Variants in SALL3 observed in about 807,000 individuals in gnomAD.
SALL3 encodes the protein sal-like protein 3.
In SALL3, 25 loss-of-function variants were observed where a neutral mutation model predicts 66.2. The ratio of observed to expected loss-of-function variants is 0.38; its 90% CI spans 0.28 to 0.53. The LOEUF (loss-of-function observed/expected upper bound fraction) is 0.53, where lower values mean the gene tolerates loss of function less well. Among genes scored for constraint, SALL3 ranks in the 20% least tolerant of loss-of-function variants. The pLI is 0.85. For missense variants in SALL3, 2,194 were observed against 1,916.5 expected, an observed-to-expected ratio of 1.14 and a Z score of -2.70; for synonymous variants, 1,152 against 899.1, an observed-to-expected ratio of 1.28 and a Z score of -5.03.
At position 78,995,003 on chromosome 18, in the gene SALL3, A is replaced by C; in HGVS notation, c.3012A>C (p.Pro1004=). ...IHYRSHTKER[P]FVCALCRRGC... is the part of the protein sequence containing the mutation. The stretch of plus-strand genomic sequence containing the variant: ...ACCGCAGCCATACTAAGGAGCGGCC[A>C]TTCGTCTGCGCGCTCTGCAGGCGAG... The change falls in exon 2 of 3, where the codon CCA becomes CCC. Residue 1004 remains proline, a synonymous_variant. Coordinates refer to ENST00000537592, the MANE Select transcript of SALL3 (RefSeq NM_171999.4). The C allele has an allele frequency of 6.2e-7, 1 of 1,613,880 alleles. No individual in the cohort carries two copies. Among genetic ancestry groups the C allele is most frequent in the Non-Finnish European group, 8.5e-7 (1 of 1,180,020 alleles).
rs756059383 is a variant in SALL3, at chr18:78,995,062, T to TA, written c.3072dup (p.Leu1025ThrfsTer14). 26 of 1,613,878 alleles carry TA rather than the reference T, an allele frequency of 1.6e-5. No homozygotes were observed. The Admixed American group carries it at 1.7e-4, about 10-fold the overall frequency. ...ACTATGGGTAATTTAAAACAGCACT[T>TA]ACTGACACACAGATTGAAAGAGCTG... On this transcript the variant is annotated frameshift_variant, in exon 2 of 3. Coordinates refer to ENST00000537592, the MANE Select transcript of SALL3 (RefSeq NM_171999.4). LOFTEE classifies it high-confidence loss of function.
chr18:78,993,511 A>T lies in SALL3; in HGVS notation c.1520A>T (p.Lys507Met). ...IPYGMSLPPE[K>M]PVTTWLDSKP... is the part of the protein sequence containing the mutation. ...TACGGCATGTCGCTGCCCCCCGAGA[A>T]GCCCGTGACCACCTGGCTGGACAGC... The change falls in exon 2 of 3, where the codon AAG (lysine) becomes ATG (methionine). Residue 507 changes from lysine to methionine, a missense_variant. Transcript: ENST00000537592. 1 of 1,602,060 alleles carries T rather than the reference A, an allele frequency of 6.2e-7. No homozygotes were observed. The highest frequency in any genetic ancestry group is 8.5e-7 in the Non-Finnish European group (1 of 1,176,194).
chr18:78,997,241 G>A lies in SALL3; in HGVS notation c.3822G>A (p.Leu1274=). 6.2e-7 allele frequency: 1 copy of A among 1,614,018 alleles called. No individual in the cohort carries two copies. Among genetic ancestry groups the A allele is most frequent in the Non-Finnish European group, 8.5e-7 (1 of 1,180,038 alleles). The stretch of plus-strand genomic sequence containing the variant: ...GCAGTAGCCCACCCATCGTCAGCTT[G>A]GACAAAGCGAGCTCAGAAACAGCAG... ...RTGSSPPIVS[L]DKASSETAAS... is the part of the protein sequence containing the mutation. Residue 1274 remains leucine, a synonymous_variant, in exon 3 of 3, where the codon TTG becomes TTA. Coordinates refer to ENST00000537592, the MANE Select transcript of SALL3 (RefSeq NM_171999.4).
Position 78,993,637 on chromosome 18 carries a change from C to T in SALL3, c.1646C>T (p.Ala549Val), listed in dbSNP as rs779282214. 2.5e-6 allele frequency: 4 copies of T among 1,587,278 alleles called. No homozygotes were observed. In the South Asian group the frequency reaches 4.5e-5, roughly 18 times the overall value. Residue 549 changes from alanine (A) to valine (V), a missense_variant, in exon 2 of 3, where the codon GCC becomes GTC. Transcript: ENST00000537592. ...GCCGACTCTCCCAGCGCCACCCCAG[C>T]CAGCCGCTCCCCGCAGAGGCCCTCG... is the stretch of plus-strand genomic sequence containing the variant. The part of the protein sequence containing the change: ...GYADSPSATP[A>V]SRSPQRPSPA...
Position 78,997,612 on chromosome 18 carries a change from C to T in SALL3, c.*290C>T. 1 of 440,716 alleles carries T rather than the reference C, an allele frequency of 2.3e-6. No individual in the cohort carries two copies. The highest frequency in any genetic ancestry group is 4.0e-6 in the Non-Finnish European group (1 of 249,886). 27.3% of individuals were successfully genotyped at this position (440,716 alleles called of 1,614,324 possible). Reference sequence around the variant, plus strand: ...CTCAGACCATGTCCACTTCCTTTCTCCTGAAACCTAATAATCTCTCCGAGG... The same window carrying T: ...CTCAGACCATGTCCACTTCCTTTCTTCTGAAACCTAATAATCTCTCCGAGG... On this transcript the variant is annotated 3_prime_UTR_variant, in exon 3 of 3. Coordinates refer to ENST00000537592, the MANE Select transcript of SALL3 (RefSeq NM_171999.4).
rs1364366199 is a variant in SALL3 at position 78,996,884 on chromosome 18, C to G, written c.3472-7C>G. On this transcript the variant is annotated splice_region_variant and splice_polypyrimidine_tract_variant and intron_variant, in intron 2 of 2. Transcript: ENST00000537592. ...TTACTCGTGGGCTGTCTCCGTGTCT[C>G]GCGCAGGTGCACATGGGGACACACA... 6.3e-7 allele frequency: 1 copy of G among 1,598,996 alleles called. No individual in the cohort carries two copies. The highest frequency in any genetic ancestry group is 8.5e-7 in the Non-Finnish European group (1 of 1,170,902).
Position 78,992,995 on chromosome 18 carries a change from C to G in SALL3, c.1004C>G (p.Ser335Trp), listed in dbSNP as rs369785666. Residue 335 changes from serine to tryptophan, a missense_variant, in exon 2 of 3, where the codon TCG becomes TGG. Transcript: ENST00000537592. ...PAPAPQSAAS[S>W]QPQSASTPPA... is the part of the protein sequence containing the mutation. Reference sequence around the variant, plus strand: ...CCAGCGCCGCAGAGCGCAGCCTCGTCGCAGCCGCAGAGCGCATCCACGCCG... The same window carrying G: ...CCAGCGCCGCAGAGCGCAGCCTCGTGGCAGCCGCAGAGCGCATCCACGCCG... 1 of 1,457,266 alleles carries G rather than the reference C, an allele frequency of 6.9e-7. No homozygotes were observed. 90.3% of individuals were successfully genotyped at this position (1,457,266 alleles called of 1,614,324 possible).
At position 78,992,854 on chromosome 18, in the gene SALL3, G is replaced by T; in HGVS notation, c.863G>T (p.Gly288Val). Residue 288 changes from glycine to valine, a missense_variant, in exon 2 of 3, where the codon GGC (glycine) becomes GTC (valine). Coordinates refer to ENST00000537592, the MANE Select transcript of SALL3 (RefSeq NM_171999.4). The part of the protein sequence containing the change: ...SGPAAPAAFE[G>V]AQPLSRPESG... ...CCCGCCGCCCCGGCCGCCTTCGAGG[G>T]CGCGCAGCCGCTGTCCCGGCCCGAG... 9.2e-6 allele frequency: 9 copies of T among 982,032 alleles called. No individual in the cohort carries two copies. The highest frequency in any genetic ancestry group is 1.1e-5 in the Non-Finnish European group (9 of 829,246). The allele number at this position is 982,032 out of a possible 1,614,324, so 60.8% of individuals were successfully genotyped here. A position where few individuals can be genotyped will look rare whatever the true frequency, so the allele number is the denominator to read the frequency against.
Position 78,997,167 on chromosome 18 carries a change from C to T in SALL3, c.3748C>T (p.Leu1250Phe), listed in dbSNP as rs1297266793. 1 of 1,614,020 alleles carries T rather than the reference C, an allele frequency of 6.2e-7. No individual in the cohort carries two copies. The highest frequency in any genetic ancestry group is 8.5e-7 in the Non-Finnish European group (1 of 1,180,040). ...QLPVSLGGSALPPLGSMASGM... is the reference protein window; with the variant it reads ...QLPVSLGGSAFPPLGSMASGM... ...CCCCGTGAGTCTTGGGGGCAGCGCC[C>T]TCCCCCCTCTGGGCAGCATGGCCAG... Residue 1250 changes from leucine to phenylalanine, a missense_variant, in exon 3 of 3, where the codon CTC (leucine) becomes TTC (phenylalanine). Transcript: ENST00000537592.
chr18:78,992,144 C>A lies in SALL3; in HGVS notation c.153C>A (p.Ser51Arg). 6.2e-7 allele frequency: 1 copy of A among 1,606,764 alleles called. No individual in the cohort carries two copies. The highest frequency in any genetic ancestry group is 1.7e-5 in the Admixed American group (1 of 59,402). The change falls in exon 2 of 3, where the codon AGC becomes AGA. Residue 51 changes from serine to arginine, a missense_variant. Coordinates refer to ENST00000537592, the MANE Select transcript of SALL3 (RefSeq NM_171999.4). ...PESRSGGEET[S>R]VCEKCCAEFF... is the part of the protein sequence containing the mutation. The stretch of plus-strand genomic sequence containing the variant: ...GCCGCAGCGGGGGCGAGGAGACCAG[C>A]GTGTGCGAGAAATGCTGCGCCGAGT...
At chr18:78,990,447 T>C (rs1914390353) in intron 1 of SALL3, among the ~76,000 whole-genome samples, 1 of 152,230 alleles carries the variant, frequency 6.6e-6, no homozygotes, top group African/African-American at 2.4e-5. Flanking sequence ...AATGGCCTCA[T>C]GGTGAGTCAC....
rs1914585695 is a variant in SALL3 at position 78,994,090 on chromosome 18, C to T, written c.2099C>T (p.Thr700Met). ...CQSALKMHYR[T>M]HTGERPFKCK... ...AGCGCGCTGAAGATGCACTACCGGACGCACACGGGGGAGCGGCCGTTCAAG... is the reference window on the plus strand; with the variant it reads ...AGCGCGCTGAAGATGCACTACCGGATGCACACGGGGGAGCGGCCGTTCAAG... The change falls in exon 2 of 3, where the codon ACG becomes ATG. Residue 700 changes from threonine to methionine, a missense_variant. Physicochemically the swap from Thr to Met is moderately conservative, Grantham distance 81. Coordinates refer to ENST00000537592, the MANE Select transcript of SALL3 (RefSeq NM_171999.4). The T allele has an allele frequency of 6.2e-7, 1 of 1,612,944 alleles. No individual in the cohort carries two copies.
At chr18:78,980,504 C>A (rs1914000323) in intron 1 of SALL3, 148 bp downstream of exon 1, 1 of 423,102 alleles carries the variant, frequency 2.4e-6, no homozygotes, top group Non-Finnish European at 3.7e-6. Flanking sequence ...CGCGCCAGGC[C>A]GGCCGCGGGG....
At position 78,992,947 on chromosome 18, in the gene SALL3, C is replaced by G; in HGVS notation, c.956C>G (p.Ala319Gly). ...CCCGCCGCCCCCAGCGCCGCCCCTGCCCCCGCTGCCCCCGCCCCGGCGCCA... is the reference window on the plus strand; with the variant it reads ...CCCGCCGCCCCCAGCGCCGCCCCTGGCCCCGCTGCCCCCGCCCCGGCGCCA... ...SAPAAPSAAP[A>G]PAAPAPAPAP... Residue 319 changes from alanine to glycine, a missense_variant, in exon 2 of 3, where the codon GCC (alanine) becomes GGC (glycine). By Grantham distance (60) the Ala-to-Gly change is moderately conservative. Coordinates refer to ENST00000537592, the MANE Select transcript of SALL3 (RefSeq NM_171999.4). The G allele has an allele frequency of 9.0e-7, 1 of 1,107,200 alleles. No individual in the cohort carries two copies. Among genetic ancestry groups the G allele is most frequent in the South Asian group, 4.2e-5 (1 of 23,532 alleles). The allele number at this position is 1,107,200 out of a possible 1,614,324, so 68.6% of individuals were successfully genotyped here.
In SALL3 at chr18:78,983,129, TA is replaced by T. The variant is rs34982273; in HGVS notation, c.82+2784del. Among the ~76,000 whole-genome samples the T allele has an allele frequency of 8.9e-4, 133 of 149,370 alleles. No homozygotes were observed. The East Asian group carries it at 0.017, about 19-fold the overall frequency. ...TAAAGTTCTAAAGTCATGCTTTTGT[TA>T]AAAAAAAAAATTAAGTCATTGAGAC... is the stretch of plus-strand genomic sequence containing the variant. On this transcript the variant is annotated intron_variant, in intron 1 of 2. Coordinates refer to ENST00000537592, the MANE Select transcript of SALL3 (RefSeq NM_171999.4).
chr18:78,980,300 C>G lies in SALL3; in HGVS notation c.26C>G (p.Pro9Arg), dbSNP rs1913971973. 7.0e-7 allele frequency: 1 copy of G among 1,430,412 alleles called. No homozygotes were observed. Among genetic ancestry groups the G allele is most frequent in the Non-Finnish European group, 9.2e-7 (1 of 1,085,052 alleles). The allele number at this position is 1,430,412 out of a possible 1,614,324, so 88.6% of individuals were successfully genotyped here. MSRRKQAK[P>R]QHLKSDEELL... ...ATGTCTCGGCGCAAGCAGGCCAAGC[C>G]CCAGCACCTCAAGTCGGACGAGGAG... Residue 9 changes from proline (P) to arginine (R), a missense_variant, in exon 1 of 3, where the codon CCC becomes CGC. Transcript: ENST00000537592.
Position 78,992,545 on chromosome 18 carries a change from C to G in SALL3, c.554C>G (p.Ala185Gly), listed in dbSNP as rs191414199. 2 of 1,495,622 alleles carry G rather than the reference C, an allele frequency of 1.3e-6. No individual in the cohort carries two copies. The highest frequency in any genetic ancestry group is 1.8e-6 in the Non-Finnish European group (2 of 1,129,684). The allele number at this position is 1,495,622 out of a possible 1,614,324, so 92.6% of individuals were successfully genotyped here. Reference protein sequence around the residue: ...KVAVAQFSQGARAAGGSGAGG... With the variant: ...KVAVAQFSQGGRAAGGSGAGG... ...GCGGTGGCGCAGTTCTCGCAGGGCG[C>G]GCGCGCGGCAGGCGGCTCGGGAGCA... Residue 185 changes from alanine (A) to glycine (G), a missense_variant, in exon 2 of 3, where the codon GCG becomes GGG. Coordinates refer to ENST00000537592, the MANE Select transcript of SALL3 (RefSeq NM_171999.4).
chr18:78,992,056 A>G lies in SALL3; in HGVS notation c.83-18A>G, dbSNP rs1914451020. 1.4e-6 allele frequency: 2 copies of G among 1,418,120 alleles called. No individual in the cohort carries two copies. Among genetic ancestry groups the G allele is most frequent in the East Asian group, 2.8e-5 (1 of 35,360 alleles). 87.8% of individuals were successfully genotyped at this position (1,418,120 alleles called of 1,614,324 possible). A position where few individuals can be genotyped will look rare whatever the true frequency, so the allele number is the denominator to read the frequency against. On this transcript the variant is annotated intron_variant, in intron 1 of 2. Transcript: ENST00000537592. ...GCGGGCGCCGAGCCCCGGCTGACTC[A>G]CTCTCTTGGTCTTGCAGCCGCCCCG...
rs150341287 is a variant in SALL3 at position 78,992,625 on chromosome 18, C to T, written c.634C>T (p.Leu212=). Reference sequence around the variant, plus strand: ...CCTGATCCTGGAACAGCTCATGGCCCTGCAGCAGCAGCAGATCCACCAGCT... The same window carrying T: ...CCTGATCCTGGAACAGCTCATGGCCTTGCAGCAGCAGCAGATCCACCAGCT... ...VPLILEQLMA[L]QQQQIHQLQL... The change falls in exon 2 of 3, where the codon CTG becomes TTG. Residue 212 remains leucine, a synonymous_variant. Coordinates refer to ENST00000537592, the MANE Select transcript of SALL3 (RefSeq NM_171999.4). The T allele has an allele frequency of 7.1e-5, 110 of 1,552,578 alleles. No homozygotes were observed. In the African/African-American group the frequency reaches 1.4e-3, roughly 20 times the overall value.
Sources: gnomAD v4.1 joint callset for allele counts (sites outside exome capture counted in the v4.1 genomes callset) on GRCh38, gnomAD v4.1.1 for gene constraint, MANE v1.5 for transcripts, NCBI Gene and HGNC (gene_info 2026-07-23, HGNC 2026-07-21) for gene names.